FBXO10: variants seen among roughly 807,000 people sequenced by gnomAD.
The protein encoded by FBXO10 is F-box only protein 10.
Under a neutral mutation model 80.7 loss-of-function variants are expected in FBXO10, and 39 were observed. The ratio of observed to expected loss-of-function variants is 0.48; its 90% CI spans 0.37 to 0.63. The LOEUF is 0.63. Among genes scored for constraint, FBXO10 ranks in the 30% least tolerant of loss-of-function variants. The probability of loss-of-function intolerance (pLI) is 0.00; values close to 1 mark genes in which losing one functional copy is unlikely to be tolerated. For missense variants in FBXO10, 1,025 were observed against 1,269.0 expected (o/e 0.81, Z 2.92); for synonymous variants, 449 against 489.6 (o/e 0.92, Z 1.09).
At chr9:37,547,275 G>C (rs1321473476) in intron 1 of FBXO10, among the ~76,000 whole-genome samples, 1 of 152,120 alleles carries the variant, frequency 6.6e-6, no homozygotes, top group Admixed American at 6.6e-5. Flanking sequence ...ATGTAGACAA[G>C]AACATGTATG....
chr9:37,532,154 C>T, intron 3 of FBXO10, 96 bp from the exon 4 acceptor site: 1 of 1,360,494 alleles, frequency 7.4e-7, no homozygotes, highest in Non-Finnish European at 1.0e-6. Context: ...ACCACCTGAT[C>T]CATGCAGTTT....
chr9:37,555,541 C>T (rs1343200924), intron 1 of FBXO10, among the ~76,000 whole-genome samples: 1 of 151,964 alleles, frequency 6.6e-6, no homozygotes, highest in Non-Finnish European at 1.5e-5. Flanking sequence ...CCACCATGCC[C>T]AGCTAATTTT....
chr9:37,526,005 T>C (rs1246915900), intron 5 of FBXO10, among the ~76,000 whole-genome samples: 1 of 151,878 alleles, frequency 6.6e-6, no homozygotes, highest in East Asian at 1.9e-4. Flanking sequence ...CCAGCATGAG[T>C]AACTGAGCCC....
chr9:37,543,506 C>T (rs1237168422), intron 1 of FBXO10, among the ~76,000 whole-genome samples: 1 of 152,046 alleles, frequency 6.6e-6, no homozygotes, highest in South Asian at 2.1e-4. Flanking sequence ...TAGGAGGAGA[C>T]AAGACAGAAG....
Position 37,521,658 on chromosome 9 carries a change from C to T in FBXO10, c.2111G>A (p.Trp704Ter). Reference protein sequence around the residue: ...NFSEDGDAILWETELEKEDDP... With the variant: ...NFSEDGDAIL ...GTCCTCCTTCTCCAGCTCTGTCTCCCAGAGGATGGCGTCCCCATCCTCGCT... is the reference window on the plus strand; with the variant it reads ...GTCCTCCTTCTCCAGCTCTGTCTCCTAGAGGATGGCGTCCCCATCCTCGCT... Residue 704 changes from tryptophan to a stop codon, truncating the protein, a stop_gained, in exon 8 of 11, where the codon TGG becomes TAG. Coordinates refer to ENST00000432825, the MANE Select transcript of FBXO10 (RefSeq NM_012166.3). LOFTEE classifies it high-confidence loss of function. 6.2e-7 allele frequency: 1 copy of T among 1,613,924 alleles called. No homozygotes were observed. Among genetic ancestry groups the T allele is most frequent in the Non-Finnish European group, 8.5e-7 (1 of 1,179,866 alleles).
At chr9:37,560,615 T>C (rs540946056) in intron 1 of FBXO10, among the ~76,000 whole-genome samples, 1 of 148,628 alleles carries the variant, frequency 6.7e-6, no homozygotes, top group South Asian at 2.1e-4. Flanking sequence ...AGGGACTTCT[T>C]AGAACAAGGT....
intron 2 of FBXO10, among the ~76,000 whole-genome samples, chr9:37,538,665 G>A (rs952646567): frequency 6.9e-5 from 10 of 144,826 alleles, no homozygotes; most frequent in African/African-American, 2.4e-4. Flanking sequence ...CCGAGATTGC[G>A]CCAGTACACT....
chr9:37,574,384 T>C (rs1006932892), intron 1 of FBXO10, among the ~76,000 whole-genome samples: 6 of 152,184 alleles, frequency 3.9e-5, no homozygotes, highest in African/African-American at 1.4e-4. Flanking sequence ...CATTTATTGC[T>C]TAACAGCTAC....
At chr9:37,570,112 C>T (rs1000469132) in intron 1 of FBXO10, among the ~76,000 whole-genome samples, 1 of 152,106 alleles carries the variant, frequency 6.6e-6, no homozygotes, top group Non-Finnish European at 1.5e-5. Flanking sequence ...GAGTTCGAGA[C>T]CCGCCTGAGC....
chr9:37,550,731 G>A (rs754561522), intron 1 of FBXO10, among the ~76,000 whole-genome samples: 12 of 152,068 alleles, frequency 7.9e-5, no homozygotes, highest in Non-Finnish European at 1.5e-4. Context: ...CACCTACCTC[G>A]GCCTCTCAAA....
At position 37,532,002 on chromosome 9, in the gene FBXO10, G is replaced by A. The variant is rs755160731; in HGVS notation, c.1476C>T (p.Arg492=). The A allele has an allele frequency of 1.2e-6, 2 of 1,613,896 alleles. No homozygotes were observed. The highest frequency in any genetic ancestry group is 2.2e-5 in the East Asian group (1 of 44,898). The part of the protein sequence containing the change: ...YRCRASGIFL[R]LEGGGLIAGN... ...CGGCAATCAAGCCACCGCCCTCCAA[G>A]CGAAGAAAGATGCCTGACGCTCGGC... The change falls in exon 4 of 11, where the codon CGC becomes CGT. Residue 492 remains arginine (R), a synonymous_variant. Transcript: ENST00000432825.
At chr9:37,524,770 G>A (rs1428254612) in intron 6 of FBXO10, among the ~76,000 whole-genome samples, 3 of 152,326 alleles carry the variant, frequency 2.0e-5, no homozygotes, top group Admixed American at 1.3e-4. Context: ...GCCGGGCGGA[G>A]GTTTCCAGAG....
chr9:37,518,317 G>T lies in FBXO10; in HGVS notation c.2322C>A (p.Asn774Lys). The T allele has an allele frequency of 6.2e-7, 1 of 1,614,088 alleles. No individual in the cohort carries two copies. The highest frequency in any genetic ancestry group is 8.5e-7 in the Non-Finnish European group (1 of 1,179,908). ...CACTTTGCCGGTTGCAGGAGATGCT[G>T]TTGTTGGCCACTCGGGTGGGTTGGC... ...QSSQPTRVAN[N>K]SISCNRQSGV... The change falls in exon 9 of 11, where the codon AAC becomes AAA. Residue 774 changes from asparagine to lysine, a missense_variant. Physicochemically the swap from Asn to Lys is moderately conservative, Grantham distance 94. This residue lies in a region of FBXO10 where 478 missense variants were observed against 667.8 expected (regional missense o/e 0.72). Coordinates refer to ENST00000432825, the MANE Select transcript of FBXO10 (RefSeq NM_012166.3).
intron 1 of FBXO10, among the ~76,000 whole-genome samples, chr9:37,544,092 C>A (rs1053096483): frequency 6.6e-6 from 1 of 152,152 alleles, no homozygotes; most frequent in African/African-American, 2.4e-5. Context: ...TACAGTGAAA[C>A]CCTGCCTCTA....
At chr9:37,552,262 T>C (rs559592732) in intron 1 of FBXO10, among the ~76,000 whole-genome samples, 3 of 152,330 alleles carry the variant, frequency 2.0e-5, no homozygotes, top group Admixed American at 1.3e-4. Flanking sequence ...GCATTATCCG[T>C]TTCCAAGTTG....
intron 1 of FBXO10, among the ~76,000 whole-genome samples, chr9:37,555,507 A>C (rs1272032502): frequency 6.6e-6 from 1 of 151,752 alleles, no homozygotes; most frequent in African/African-American, 2.4e-5. Context: ...CAGCCTCCCG[A>C]GTAGCTGGGA....
At chr9:37,572,626 T>C (rs558054460) in intron 1 of FBXO10, among the ~76,000 whole-genome samples, 2 of 152,304 alleles carry the variant, frequency 1.3e-5, no homozygotes, top group South Asian at 2.1e-4. Flanking sequence ...TAGGGATATA[T>C]ACATAGGTGA....
chr9:37,517,551 G>A (rs1821216682), intron 9 of FBXO10, among the ~76,000 whole-genome samples: 1 of 152,310 alleles, frequency 6.6e-6, no homozygotes, highest in Admixed American at 6.5e-5. Flanking sequence ...GCCCTGTGGG[G>A]AGTGCTCTGT....
chr9:37,570,857 G>T (rs1037559395), intron 1 of FBXO10, among the ~76,000 whole-genome samples: 1 of 152,074 alleles, frequency 6.6e-6, no homozygotes, highest in Non-Finnish European at 1.5e-5. Flanking sequence ...AGCTGGGCGT[G>T]GTGGCACGTG....
Sources: allele counts gnomAD v4.1 joint callset (sites outside exome capture counted in the v4.1 genomes callset), GRCh38; gene constraint gnomAD v4.1.1; regional missense constraint gnomAD v4.1.1; transcripts MANE v1.5; gene names NCBI Gene and HGNC (gene_info 2026-07-23, HGNC 2026-07-21).